The following ABCC1 variants were observed in gnomAD, a reference collection of about 807,000 sequenced individuals.
The protein encoded by ABCC1 is ATP binding cassette subfamily C member 1 (ABCC1 blood group).
ABCC1 carries 83 observed loss-of-function variants against 172.9 expected under a neutral mutation model. The ratio of observed to expected loss-of-function variants is 0.48; its 90% confidence interval spans 0.40 to 0.58. The LOEUF is 0.58. Ranked by LOEUF, ABCC1 falls within the 20% of genes least tolerant of loss-of-function variation. ABCC1 has a pLI of 0.00. For missense variants in ABCC1, 1,817 were observed against 2,002.7 expected (o/e 0.91, Z 1.77); for synonymous variants, 937 against 825.2 (o/e 1.14, Z -2.32).
rs535629719 is a variant in ABCC1, at chr16:16,036,976, C to T, written c.809+373C>T. Among the ~76,000 whole-genome samples, 18 of 152,094 alleles carry T rather than the reference C, an allele frequency of 1.2e-4. No individual in the cohort carries two copies. The South Asian group carries it at 3.3e-3, about 28-fold the overall frequency. On this transcript the variant is annotated intron_variant, in intron 7 of 30. Coordinates refer to ENST00000399410, the MANE Select transcript of ABCC1 (RefSeq NM_004996.4). ...AAAATTAGCTAGGCATGGTGGCAGG[C>T]GCCTGTAATCATAGCTACTCAGGAG... is the stretch of plus-strand genomic sequence containing the variant.
At chr16:16,001,119 G>C (rs1395620993) in intron 1 of ABCC1, among the ~76,000 whole-genome samples, 1 of 152,194 alleles carries the variant, frequency 6.6e-6, no homozygotes, top group Non-Finnish European at 1.5e-5. Flanking sequence ...AGGCACATTT[G>C]GGGAACAGGG....
At chr16:16,090,854 C>T (rs2051224687) in intron 19 of ABCC1, among the ~76,000 whole-genome samples, 1 of 152,060 alleles carries the variant, frequency 6.6e-6, no homozygotes, top group African/African-American at 2.4e-5. Context: ...CAGGGTCTAG[C>T]GCCTTCCTGG....
At position 16,061,212 on chromosome 16, in the gene ABCC1, G is replaced by A. The variant is rs146814889; in HGVS notation, c.1677+4917G>A. ...AGTGCTGGGATTACAGGTGTGAGCC[G>A]CCATGCCCGGTGGGTCTTACTTTAT... On this transcript the variant is annotated intron_variant, in intron 12 of 30. Transcript: ENST00000399410. Among the ~76,000 whole-genome samples, 319 of 152,238 alleles carry A rather than the reference G, an allele frequency of 2.1e-3. 3 individuals carry two copies. Among genetic ancestry groups the A allele is most frequent in the African/African-American group, 7.4e-3 (306 of 41,554 alleles).
intron 5 of ABCC1, among the ~76,000 whole-genome samples, chr16:16,030,797 AC>A (rs2048533871): frequency 6.6e-6 from 1 of 152,022 alleles, no homozygotes; most frequent in Non-Finnish European, 1.5e-5. Flanking sequence ...CCCCAGTCGC[AC>A]CCAGAACCAG....
chr16:15,993,508 G>T (rs1452400780), intron 1 of ABCC1, among the ~76,000 whole-genome samples: 1 of 152,184 alleles, frequency 6.6e-6, no homozygotes, highest in Non-Finnish European at 1.5e-5. Flanking sequence ...AGACAGTTTT[G>T]ATTGTCATAA....
intron 11 of ABCC1, among the ~76,000 whole-genome samples, chr16:16,053,490 CTTA>C (rs2049515846): frequency 6.6e-6 from 1 of 151,684 alleles, no homozygotes; most frequent in Non-Finnish European, 1.5e-5. Context: ...AGTGATGTTT[CTTA>C]TTATAAAAAA....
At chr16:16,009,133 A>T (rs2047672318) in intron 2 of ABCC1, among the ~76,000 whole-genome samples, 1 of 151,726 alleles carries the variant, frequency 6.6e-6, no homozygotes, top group Non-Finnish European at 1.5e-5. Flanking sequence ...ATTTAAAACA[A>T]TTTTTTGTAG....
intron 26 of ABCC1, among the ~76,000 whole-genome samples, chr16:16,130,890 A>G (rs1179564326): frequency 6.6e-6 from 1 of 152,166 alleles, no homozygotes; most frequent in Non-Finnish European, 1.5e-5. Context: ...TGGGAGGTAG[A>G]GGTGGGTGGA....
intron 1 of ABCC1, among the ~76,000 whole-genome samples, chr16:15,976,608 G>A (rs2046497396): frequency 6.6e-6 from 1 of 152,144 alleles, no homozygotes; most frequent in African/African-American, 2.4e-5. Context: ...GATGACTTTG[G>A]CTAATCTTGG....
At chr16:15,970,355 C>T (rs1469040574) in intron 1 of ABCC1, among the ~76,000 whole-genome samples, 2 of 152,196 alleles carry the variant, frequency 1.3e-5, no homozygotes, top group Non-Finnish European at 2.9e-5. Context: ...CGTCACATCC[C>T]ATTGGCTTGT....
At chr16:16,026,465 CTTT>C (rs1157942197) in intron 5 of ABCC1, among the ~76,000 whole-genome samples, 7 of 95,500 alleles carry the variant, frequency 7.3e-5, no homozygotes, top group Admixed American at 3.3e-4. Flanking sequence ...AGGCTATTTC[CTTT>C]TTTTTTTTTT....
In ABCC1 at chr16:16,089,880, C is replaced by CAAA. The variant is rs5815856; in HGVS notation, c.2461-511_2461-509dup. Among the ~76,000 whole-genome samples, 424 of 104,328 alleles carry CAAA rather than the reference C, an allele frequency of 4.1e-3. 5 individuals carry two copies. The highest frequency in any genetic ancestry group is 0.012 in the African/African-American group (364 of 30,202). 68.4% of individuals were successfully genotyped at this position (104,328 alleles called of 152,430 possible). On this transcript the variant is annotated intron_variant, in intron 18 of 30. Coordinates refer to ENST00000399410, the MANE Select transcript of ABCC1 (RefSeq NM_004996.4). ...TGGACAACAAAGTGAAACTCTGTCT[C>CAAA]AAAAAAAAAAAAAAAAGCCATTGCA...
chr16:16,059,575 C>T (rs974364975), intron 12 of ABCC1, among the ~76,000 whole-genome samples: 17 of 152,016 alleles, frequency 1.1e-4, no homozygotes, highest in African/African-American at 3.1e-4. Flanking sequence ...GAGGCCGAGG[C>T]GGGCGGGTTG....
chr16:16,016,671 G>T (rs375776434), intron 5 of ABCC1, 50 bp downstream of exon 5: 17 of 1,607,246 alleles, frequency 1.1e-5, no homozygotes, highest in Non-Finnish European at 1.4e-5. Context: ...TGAGAGAGAT[G>T]CGTGACACAG....
chr16:16,034,923 G>A (rs2048696718), intron 6 of ABCC1, among the ~76,000 whole-genome samples: 1 of 152,018 alleles, frequency 6.6e-6, no homozygotes, highest in African/African-American at 2.4e-5. Flanking sequence ...AAGATGATGT[G>A]TTTGCATGTG....
chr16:16,095,246 T>G (rs2051424601), intron 19 of ABCC1: 1 of 152,242 alleles, frequency 6.6e-6, no homozygotes, highest in Non-Finnish European at 1.5e-5. Flanking sequence ...GGGGAACAAA[T>G]TTTTAAGGGA....
chr16:16,104,434 A>T (rs1027902217), intron 20 of ABCC1, among the ~76,000 whole-genome samples: 1 of 152,206 alleles, frequency 6.6e-6, no homozygotes, highest in African/African-American at 2.4e-5. Flanking sequence ...TTAGCTAGAT[A>T]TAGAGTGTTG....
chr16:15,966,912 C>T (rs1305940698), intron 1 of ABCC1, among the ~76,000 whole-genome samples: 3 of 152,154 alleles, frequency 2.0e-5, no homozygotes, highest in South Asian at 2.1e-4. Context: ...AACTTCTGGC[C>T]TCAAGCAGTT....
chr16:16,115,250 T>C (rs2044806600), intron 23 of ABCC1, among the ~76,000 whole-genome samples, 174 bp downstream of exon 23: 1 of 152,242 alleles, frequency 6.6e-6, no homozygotes, highest in African/African-American at 2.4e-5. Flanking sequence ...AATAACAAAA[T>C]GCACTTTTTT....
Sources: allele counts gnomAD v4.1 joint callset (sites outside exome capture counted in the v4.1 genomes callset), GRCh38; gene constraint gnomAD v4.1.1; transcripts MANE v1.5; gene names NCBI Gene and HGNC (gene_info 2026-07-23, HGNC 2026-07-21).